TIAM2: variants seen among roughly 807,000 people sequenced by gnomAD.
TIAM2 encodes the protein TIAM Rac1 associated GEF 2.
In TIAM2, 80 loss-of-function variants were observed where a neutral mutation model predicts 152.9. The ratio of observed to expected loss-of-function variants is 0.52; its 90% confidence interval spans 0.44 to 0.63. TIAM2 has a LOEUF of 0.63. Ranked by LOEUF, TIAM2 falls within the 30% of genes least tolerant of loss-of-function variation. The pLI is 0.00. For missense variants in TIAM2, 1,965 were observed against 2,120.1 expected (o/e 0.93, Z 1.44); for synonymous variants, 804 against 838.0 (o/e 0.96, Z 0.70).
intron 20 of TIAM2, among the ~76,000 whole-genome samples, chr6:155,249,516 C>T (rs373330698): frequency 3.3e-5 from 5 of 152,176 alleles, no homozygotes; most frequent in African/African-American, 4.8e-5. Context: ...TGAGTTATTG[C>T]GGGCACTAAA....
chr6:155,041,862 A>G (rs1383929518), intron 1 of TIAM2, among the ~76,000 whole-genome samples: 1 of 152,148 alleles, frequency 6.6e-6, no homozygotes, highest in Non-Finnish European at 1.5e-5. Flanking sequence ...TTAGCATGAG[A>G]GGAAAATAAG....
intron 9 of TIAM2, among the ~76,000 whole-genome samples, chr6:155,166,890 A>G (rs1780453824): frequency 6.6e-6 from 1 of 152,170 alleles, no homozygotes; most frequent in South Asian, 2.1e-4. Context: ...AATCTGAAGA[A>G]GTTTTTGCTT....
chr6:155,225,201 C>G (rs1383096698), intron 15 of TIAM2, among the ~76,000 whole-genome samples: 1 of 152,168 alleles, frequency 6.6e-6, no homozygotes, highest in African/African-American at 2.4e-5. Flanking sequence ...GATGATCCAC[C>G]CACCTCGGCC....
chr6:155,070,242 A>G (rs1278709094), intron 1 of TIAM2, among the ~76,000 whole-genome samples: 5 of 64,880 alleles, frequency 7.7e-5, no homozygotes, highest in Non-Finnish European at 1.0e-4. Context: ...TTTTTTTGAG[A>G]TGGAGTCTCA....
intron 15 of TIAM2, among the ~76,000 whole-genome samples, chr6:155,231,463 G>C (rs998134344): frequency 6.6e-6 from 1 of 152,136 alleles, no homozygotes; most frequent in Admixed American, 6.5e-5. Flanking sequence ...TGAATGGTTT[G>C]TCCTCAACTT....
intron 4 of TIAM2, among the ~76,000 whole-genome samples, chr6:155,131,759 A>G (rs1779452697): frequency 6.6e-6 from 1 of 151,812 alleles, no homozygotes; most frequent in Non-Finnish European, 1.5e-5. Flanking sequence ...TGTGTATTTT[A>G]GTAGAGACGG....
At chr6:155,187,573 C>CCCTTTTTTTTTTTTTTTTTTTTTTTTT (rs1189509294) in intron 14 of TIAM2, among the ~76,000 whole-genome samples, 2 of 49,614 alleles carry the variant, frequency 4.0e-5, no homozygotes, top group African/African-American at 1.6e-4. Context: ...ACCCCGCCCC[C>CCCTTTTTTTTTTTTTTTTTTTTTTTTT]TTTTTTTTTT....
intron 1 of TIAM2, among the ~76,000 whole-genome samples, chr6:155,014,933 C>G (rs953294551): frequency 1.3e-5 from 2 of 152,082 alleles, no homozygotes; most frequent in South Asian, 4.1e-4. Flanking sequence ...CGTCAGGAGG[C>G]TGGAGAGGCA....
intron 15 of TIAM2, among the ~76,000 whole-genome samples, chr6:155,224,785 A>G (rs1782183197): frequency 6.6e-6 from 1 of 152,184 alleles, no homozygotes; most frequent in Admixed American, 6.5e-5. Context: ...CAGCTGGCAG[A>G]GGAGGAGGCT....
intron 2 of TIAM2, among the ~76,000 whole-genome samples, chr6:155,114,153 A>G (rs1349041470): frequency 7.0e-6 from 1 of 142,022 alleles, no homozygotes; most frequent in Non-Finnish European, 1.5e-5. Flanking sequence ...TCTCAGGTTC[A>G]AGTGATTCTT....
At chr6:155,251,333 C>T (rs1783644453) in intron 22 of TIAM2, among the ~76,000 whole-genome samples, 1 of 152,210 alleles carries the variant, frequency 6.6e-6, no homozygotes, top group South Asian at 2.1e-4. Flanking sequence ...GTTGCCCAGG[C>T]TGGAGTGCAA....
chr6:155,195,019 G>A (rs1583242571), intron 14 of TIAM2, among the ~76,000 whole-genome samples: 1 of 152,170 alleles, frequency 6.6e-6, no homozygotes, highest in African/African-American at 2.4e-5. Context: ...GTTTCCTGAG[G>A]CCTCCGCAGC....
chr6:155,002,457 A>C (rs1778328941), intron 1 of TIAM2, among the ~76,000 whole-genome samples: 1 of 152,168 alleles, frequency 6.6e-6, no homozygotes, highest in Non-Finnish European at 1.5e-5. Context: ...TGGCCTGACG[A>C]AATGAGAAAG....
At chr6:155,018,868 A>G (rs1301117307) in intron 1 of TIAM2, among the ~76,000 whole-genome samples, 1 of 131,238 alleles carries the variant, frequency 7.6e-6, no homozygotes, top group Non-Finnish European at 1.6e-5. Flanking sequence ...GTGAAACCCC[A>G]TCTCTACTAA....
At chr6:155,018,124 G>T (rs1371590001) in intron 1 of TIAM2, among the ~76,000 whole-genome samples, 1 of 151,870 alleles carries the variant, frequency 6.6e-6, no homozygotes, top group Non-Finnish European at 1.5e-5. Flanking sequence ...TGTAATCCTA[G>T]CACTTTGGAG....
intron 2 of TIAM2, among the ~76,000 whole-genome samples, chr6:155,110,282 T>C (rs1372171364): frequency 4.0e-5 from 6 of 151,210 alleles, no homozygotes; most frequent in Non-Finnish European, 2.9e-5. Context: ...TTTCCTCCCT[T>C]TGTCCATCCT....
chr6:155,169,082 G>A (rs1043872020), intron 9 of TIAM2, among the ~76,000 whole-genome samples: 25 of 152,130 alleles, frequency 1.6e-4, no homozygotes, highest in Non-Finnish European at 2.5e-4. Context: ...TGCAAGCTTC[G>A]CCTCCCGGGT....
rs185563619 is a variant in TIAM2 at position 155,030,119 on chromosome 6, A to T, written c.-209+34627A>T. 4.6e-5 allele frequency among the ~76,000 whole-genome samples: 7 copies of T among 152,200 alleles called. No homozygotes were observed. The East Asian group carries it at 9.7e-4, about 21-fold the overall frequency. On this transcript the variant is annotated intron_variant, in intron 1 of 26. Coordinates refer to ENST00000682666, the MANE Select transcript of TIAM2 (RefSeq NM_012454.4). ...GTTCTTTGAAAGTTTCATAGTTATC[A>T]CTTGTAAAGCAAATGGGCTTGAAAT...
intron 14 of TIAM2, among the ~76,000 whole-genome samples, chr6:155,209,069 G>C (rs1451086186): frequency 6.6e-6 from 1 of 151,944 alleles, no homozygotes; most frequent in East Asian, 1.9e-4. Flanking sequence ...CTCCTTTGAA[G>C]TGTTTTAAGG....
Sources: gnomAD v4.1 joint callset for allele counts (sites outside exome capture counted in the v4.1 genomes callset) on GRCh38, gnomAD v4.1.1 for gene constraint, MANE v1.5 for transcripts, NCBI Gene and HGNC (gene_info 2026-07-23, HGNC 2026-07-21) for gene names.